HDAC9: variants seen among roughly 807,000 people sequenced by gnomAD.
The protein encoded by HDAC9 is histone deacetylase 9.
A neutral mutation model predicts 139.4 loss-of-function variants in HDAC9; 41 were observed. The observed-to-expected ratio is 0.29, with a 90% CI of 0.23 to 0.38. The LOEUF is 0.38. HDAC9 is among the 10% of genes least tolerant of loss of function. HDAC9 has a pLI of 1.00. For missense variants in HDAC9, 1,147 were observed against 1,297.0 expected (o/e 0.88, Z 1.78); for synonymous variants, 517 against 476.2 (o/e 1.09, Z -1.12).
intron 24 of HDAC9, among the ~76,000 whole-genome samples, chr7:18,957,518 C>A (rs1285537191): frequency 6.6e-6 from 1 of 152,104 alleles, no homozygotes; most frequent in Non-Finnish European, 1.5e-5. Context: ...TAATTGTGTT[C>A]CTCGTTTCCC....
At chr7:18,765,310 T>A (rs996227369) in intron 15 of HDAC9, among the ~76,000 whole-genome samples, 1 of 152,170 alleles carries the variant, frequency 6.6e-6, no homozygotes, top group Non-Finnish European at 1.5e-5. Context: ...TTAATAATTT[T>A]TTTCAATTAC....
At chr7:18,865,400 A>C (rs1410578696) in intron 21 of HDAC9, among the ~76,000 whole-genome samples, 2 of 152,162 alleles carry the variant, frequency 1.3e-5, no homozygotes, top group African/African-American at 2.4e-5. Context: ...AAAAGAGAGA[A>C]GGGGGCAATG....
intron 1 of HDAC9, among the ~76,000 whole-genome samples, chr7:18,094,853 G>C (rs1415466555): frequency 6.6e-6 from 1 of 152,036 alleles, no homozygotes; most frequent in Non-Finnish European, 1.5e-5. Flanking sequence ...TTCGATTTTA[G>C]ATAAACAGGA....
chr7:18,139,282 C>A (rs1037873007), intron 1 of HDAC9, among the ~76,000 whole-genome samples: 2 of 151,824 alleles, frequency 1.3e-5, no homozygotes, highest in Non-Finnish European at 2.9e-5. Flanking sequence ...TGTGTCACCA[C>A]GACTGGCTAA....
At chr7:18,780,693 T>C (rs1384082113) in intron 16 of HDAC9, among the ~76,000 whole-genome samples, 1 of 152,022 alleles carries the variant, frequency 6.6e-6, no homozygotes, top group Non-Finnish European at 1.5e-5. Flanking sequence ...TTAGCCACAG[T>C]AAAGCCCTGT....
chr7:18,533,251 G>T (rs531028761), intron 2 of HDAC9, among the ~76,000 whole-genome samples: 2 of 152,066 alleles, frequency 1.3e-5, no homozygotes, highest in South Asian at 2.1e-4. Flanking sequence ...TATTTTCTCC[G>T]GGAGTTTCCA....
intron 21 of HDAC9, among the ~76,000 whole-genome samples, chr7:18,871,515 C>A (rs1798913918): frequency 6.6e-6 from 1 of 152,114 alleles, no homozygotes; most frequent in Non-Finnish European, 1.5e-5. Context: ...ATATTAAGAA[C>A]CATGAGTTCG....
At chr7:18,632,292 T>C (rs1782596115) in intron 7 of HDAC9, among the ~76,000 whole-genome samples, 2 of 152,170 alleles carry the variant, frequency 1.3e-5, no homozygotes, top group African/African-American at 4.8e-5. Context: ...ATACTAATAA[T>C]TTGCTCAAAT....
intron 2 of HDAC9, among the ~76,000 whole-genome samples, chr7:18,544,009 TG>T (rs1205808200): frequency 3.3e-5 from 5 of 152,164 alleles, no homozygotes; most frequent in Non-Finnish European, 1.5e-5. Flanking sequence ...GTAAGATCTT[TG>T]GATTTTAATT....
intron 13 of HDAC9, among the ~76,000 whole-genome samples, chr7:18,730,401 C>A (rs1785940966): frequency 6.6e-6 from 1 of 152,174 alleles, no homozygotes; most frequent in Non-Finnish European, 1.5e-5. Context: ...GAAAATATAT[C>A]TTTTAAGCAC....
At chr7:18,347,516 T>C (rs1562901662) in intron 1 of HDAC9, among the ~76,000 whole-genome samples, 1 of 152,226 alleles carries the variant, frequency 6.6e-6, no homozygotes, top group African/African-American at 2.4e-5. Flanking sequence ...CCCATGTAAA[T>C]TGTGTTTATT....
intron 22 of HDAC9, among the ~76,000 whole-genome samples, chr7:18,880,847 G>GT (rs1799684577): frequency 6.6e-6 from 1 of 150,898 alleles, no homozygotes; most frequent in South Asian, 2.1e-4. Flanking sequence ...AGTTGCCGGG[G>GT]GGGGGGGAAC....
chr7:18,208,179 T>G (rs1791678267), intron 2 of HDAC9, among the ~76,000 whole-genome samples: 1 of 152,088 alleles, frequency 6.6e-6, no homozygotes, highest in African/African-American at 2.4e-5. Flanking sequence ...ACCTGTTCAG[T>G]TCTTCTGTTT....
intron 2 of HDAC9, among the ~76,000 whole-genome samples, chr7:18,272,324 G>A (rs302176): frequency 0.77 from 117,373 of 152,084 alleles, 45,435 homozygotes; most frequent in South Asian, 0.86. Context: ...CTTTCTTGAC[G>A]GGGGCATATT....
At chr7:18,294,608 G>C (rs533527726) in intron 1 of HDAC9, among the ~76,000 whole-genome samples, 8 of 152,110 alleles carry the variant, frequency 5.3e-5, no homozygotes, top group Non-Finnish European at 1.2e-4. Flanking sequence ...GTTGCTTAGA[G>C]GTACTGGCAG....
intron 2 of HDAC9, among the ~76,000 whole-genome samples, chr7:18,545,172 C>T (rs1018048254): frequency 3.3e-5 from 5 of 152,118 alleles, no homozygotes; most frequent in South Asian, 2.1e-4. Flanking sequence ...ATAGGAGTGC[C>T]GTAGGACATT....
Position 18,634,612 on chromosome 7 carries a change from C to T in HDAC9, c.797-15C>T. The T allele has an allele frequency of 5.3e-6, 8 of 1,500,292 alleles. No individual in the cohort carries two copies. The highest frequency in any genetic ancestry group is 7.3e-6 in the Non-Finnish European group (8 of 1,095,654). The allele number at this position is 1,500,292 out of a possible 1,614,324, so 92.9% of individuals were successfully genotyped here. A position where few individuals can be genotyped will look rare whatever the true frequency, so the allele number is the denominator to read the frequency against. On this transcript the variant is annotated splice_polypyrimidine_tract_variant and intron_variant, in intron 7 of 25. Coordinates refer to ENST00000686413, the MANE Select transcript of HDAC9 (RefSeq NM_178425.4). ...GTTCCTCATGAACACATTTGTACTT[C>T]ACAATATTTTTCAGAATCCTCAGTC...
chr7:18,123,012 C>T (rs1784449215), intron 1 of HDAC9, among the ~76,000 whole-genome samples: 1 of 152,058 alleles, frequency 6.6e-6, no homozygotes, highest in South Asian at 2.1e-4. Flanking sequence ...TAAATATTTC[C>T]CAATGGCCCT....
rs112464505 is a variant in HDAC9 at position 18,640,125 on chromosome 7, T to G, written c.913-4546T>G. ...AATGTGAGTGATTACTGGCCAGGCATGGGGGCTCACATCTATAATCTCAGC... is the reference window on the plus strand; with the variant it reads ...AATGTGAGTGATTACTGGCCAGGCAGGGGGGCTCACATCTATAATCTCAGC... On this transcript the variant is annotated intron_variant, in intron 8 of 25. Transcript: ENST00000686413. Among the ~76,000 whole-genome samples the G allele has an allele frequency of 2.6e-5, 4 of 151,594 alleles. 1 individual carries two copies. The highest frequency in any genetic ancestry group is 9.7e-5 in the African/African-American group (4 of 41,360).
Sources: gnomAD v4.1 joint callset for allele counts (sites outside exome capture counted in the v4.1 genomes callset) on GRCh38, gnomAD v4.1.1 for gene constraint, MANE v1.5 for transcripts, NCBI Gene and HGNC (gene_info 2026-07-23, HGNC 2026-07-21) for gene names.